Variants in RALGDS observed in about 807,000 individuals in gnomAD.
The protein encoded by RALGDS is ral guanine nucleotide dissociation stimulator.
Under a neutral mutation model 99.8 loss-of-function variants are expected in RALGDS, and 44 were observed. That is an observed-to-expected ratio of 0.44 (90% CI 0.35 to 0.57). RALGDS has a LOEUF of 0.57. Among genes scored for constraint, RALGDS ranks in the 20% least tolerant of loss-of-function variants. RALGDS has a pLI of 0.01. For missense variants in RALGDS, 1,022 were observed against 1,203.1 expected, an observed-to-expected ratio of 0.85 and a Z score of 2.23; for synonymous variants, 529 against 505.0, an observed-to-expected ratio of 1.05 and a Z score of -0.64.
At chr9:133,138,561 G>C (rs564587480) in intron 1 of RALGDS, among the ~76,000 whole-genome samples, 1 of 152,332 alleles carries the variant, frequency 6.6e-6, no homozygotes, top group Non-Finnish European at 1.5e-5. Flanking sequence ...CTGTGAGCTG[G>C]GTCCGGCTGT....
intron 2 of RALGDS, 35 bp from the exon 3 acceptor site, chr9:133,110,524 G>A (rs1043771676): frequency 6.4e-7 from 1 of 1,559,296 alleles, no homozygotes; most frequent in Non-Finnish European, 8.8e-7. Flanking sequence ...GACAGTCAGT[G>A]GCAGCACACG....
exon 1 of RALGDS, chr9:133,149,041 T>A: frequency 6.9e-7 from 1 of 1,457,588 alleles, no homozygotes. Flanking sequence ...CAGAGGCCGC[T>A]CGCCTGGGCC....
chr9:133,126,507 C>T (rs975165398), intron 1 of RALGDS, among the ~76,000 whole-genome samples: 4 of 152,232 alleles, frequency 2.6e-5, no homozygotes, highest in Non-Finnish European at 5.9e-5. Context: ...CTGACCACAC[C>T]GGGTCTGTGT....
chr9:133,121,221 G>C lies in RALGDS; in HGVS notation c.-67C>G, dbSNP rs739405. The C allele has an allele frequency of 1.0e-6, 1 of 977,938 alleles. No individual in the cohort carries two copies. Among genetic ancestry groups the C allele is most frequent in the Non-Finnish European group, 1.2e-6 (1 of 824,254 alleles). The allele number at this position is 977,938 out of a possible 1,614,324, so 60.6% of individuals were successfully genotyped here. ...GCGGGGGCGGCGGCGCGGCCCGCGC[G>C]GCTGGGCTTTGCCACCGCTGTGAGC... is the stretch of plus-strand genomic sequence containing the variant. On this transcript the variant is annotated 5_prime_UTR_variant, in exon 1 of 18. Transcript: ENST00000372050.
At chr9:133,117,623 C>T (rs547546841) in intron 1 of RALGDS, among the ~76,000 whole-genome samples, 2 of 152,264 alleles carry the variant, frequency 1.3e-5, no homozygotes, top group Non-Finnish European at 2.9e-5. Context: ...AGGCTGCATG[C>T]ATCAGTGTCT....
chr9:133,116,132 TCGTGTC>T (rs59499695), intron 1 of RALGDS, among the ~76,000 whole-genome samples: 83,950 of 151,256 alleles, frequency 0.56, 23,362 homozygotes, highest in Middle Eastern at 0.65. Flanking sequence ...CGCAAGGGCC[TCGTGTC>T]CGTGTCCGTG....
In RALGDS at chr9:133,106,636, C is replaced by T; in HGVS notation, c.1517+9G>A. 1 of 1,593,828 alleles carries T rather than the reference C, an allele frequency of 6.3e-7. No homozygotes were observed. Among genetic ancestry groups the T allele is most frequent in the Non-Finnish European group, 8.6e-7 (1 of 1,166,352 alleles). On this transcript the variant is annotated intron_variant, in intron 8 of 17. Transcript: ENST00000372050. ...GGTGCACCAGGAGCTCCTACAGAGG[C>T]ATGCCCACCTGGAAACGTCTTCCCA...
intron 1 of RALGDS, among the ~76,000 whole-genome samples, chr9:133,130,585 G>A (rs1832306428): frequency 1.3e-5 from 2 of 152,214 alleles, no homozygotes; most frequent in Admixed American, 1.3e-4. Flanking sequence ...GGCTTGAAAT[G>A]AGTACATTTG....
At chr9:133,100,219 T>A (rs1830688052) in intron 17 of RALGDS, 49 bp downstream of exon 17, 1 of 1,513,802 alleles carries the variant, frequency 6.6e-7, no homozygotes, top group Non-Finnish European at 9.2e-7. Context: ...GGCTGGGGAG[T>A]GGTGTGGACC....
chr9:133,144,571 G>A lies in RALGDS; in HGVS notation c.18+4392C>T, dbSNP rs1832592969. Among the ~76,000 whole-genome samples the A allele has an allele frequency of 6.6e-6, 1 of 152,226 alleles. No individual in the cohort carries two copies. Among genetic ancestry groups the A allele is most frequent in the Non-Finnish European group, 1.5e-5 (1 of 68,042 alleles). On this transcript the variant is annotated intron_variant, in intron 1 of 17. Transcript: ENST00000393160. This position sits in a 1 kb window ranked among gnomAD's most constrained non-coding sequence, Gnocchi z 4.5. ...GTCTGCGGCAGCTCCGCGCCGGGCT[G>A]GGCGGCCGCACGGGAGGGCACAGCG...
At chr9:133,140,399 C>G (rs1275025311) in intron 1 of RALGDS, among the ~76,000 whole-genome samples, 3 of 152,150 alleles carry the variant, frequency 2.0e-5, no homozygotes, top group Non-Finnish European at 2.9e-5. Context: ...TTCTTTCTCT[C>G]CACTGGACAA....
intron 1 of RALGDS, among the ~76,000 whole-genome samples, chr9:133,147,964 C>A (rs1273122140): frequency 6.6e-6 from 1 of 152,168 alleles, no homozygotes; most frequent in Non-Finnish European, 1.5e-5. Context: ...AAATAAGAAC[C>A]CTGAGGCTCC....
chr9:133,101,289 C>T, intron 16 of RALGDS: 1 of 1,382,150 alleles, frequency 7.2e-7, no homozygotes. Flanking sequence ...TCCCCTACAG[C>T]ACCGCCCCTT....
upstream of RALGDS, among the ~76,000 whole-genome samples, chr9:133,124,155 C>T (rs970518016): frequency 6.9e-6 from 1 of 145,822 alleles, no homozygotes; most frequent in Non-Finnish European, 1.5e-5. Context: ...CACAGAGACA[C>T]ATACATAGAG....
At chr9:133,142,683 T>C (rs139754229) in intron 1 of RALGDS, among the ~76,000 whole-genome samples, 97 of 152,228 alleles carry the variant, frequency 6.4e-4, no homozygotes, top group African/African-American at 2.2e-3. Flanking sequence ...GGCTCCAGAA[T>C]CAAGAACCCC....
chr9:133,101,321 G>T, intron 16 of RALGDS, 199 bp downstream of exon 16: 3 of 1,426,554 alleles, frequency 2.1e-6, no homozygotes, highest in Non-Finnish European at 2.9e-6. Context: ...GGCTTTGCAC[G>T]GCTGCTCCTT....
intron 10 of RALGDS, 46 bp from the exon 11 acceptor site, chr9:133,103,879 G>T: frequency 6.4e-7 from 1 of 1,564,940 alleles, no homozygotes; most frequent in Non-Finnish European, 8.8e-7. Flanking sequence ...TCCCCTGAAG[G>T]CTTTCTCAGC....
intron 1 of RALGDS, among the ~76,000 whole-genome samples, chr9:133,127,601 C>G (rs1000438165): frequency 2.0e-5 from 3 of 152,252 alleles, no homozygotes; most frequent in African/African-American, 7.2e-5. Flanking sequence ...GAGCACACAC[C>G]TTGGCAGGAG....
upstream of RALGDS, among the ~76,000 whole-genome samples, chr9:133,125,618 C>G (rs1215721993): frequency 6.6e-6 from 1 of 152,126 alleles, no homozygotes; most frequent in Non-Finnish European, 1.5e-5. Flanking sequence ...TGCCTGTAAT[C>G]CCAGCTACTT....
Sources: allele counts gnomAD v4.1 joint callset (sites outside exome capture counted in the v4.1 genomes callset), GRCh38; gene constraint gnomAD v4.1.1; non-coding constraint Gnocchi (gnomAD v3.1); transcripts MANE v1.5; gene names NCBI Gene and HGNC (gene_info 2026-07-23, HGNC 2026-07-21).